The following SLC44A5 variants were observed in gnomAD, a reference collection of about 807,000 sequenced individuals.
SLC44A5 encodes solute carrier family 44 member 5, also known as choline transporter-like protein 5.
Under a neutral mutation model 101.8 loss-of-function variants are expected in SLC44A5, and 57 were observed. The observed-to-expected ratio is 0.56, with a 90% CI of 0.45 to 0.70. The LOEUF is 0.70. SLC44A5 is among the 30% of genes least tolerant of loss of function. SLC44A5 has a pLI of 0.00. For missense variants in SLC44A5, 737 were observed against 853.1 expected (o/e 0.86, Z 1.70); for synonymous variants, 281 against 290.9 (o/e 0.97, Z 0.35).
intron 5 of SLC44A5, among the ~76,000 whole-genome samples, chr1:75,284,201 TA>T (rs1304983947): frequency 6.6e-6 from 1 of 152,134 alleles, no homozygotes; most frequent in African/African-American, 2.4e-5. Flanking sequence ...GTTTTCTGTG[TA>T]GCGATGTGTC....
At chr1:75,399,195 G>A (rs1236537286) in intron 2 of SLC44A5, among the ~76,000 whole-genome samples, 3 of 151,886 alleles carry the variant, frequency 2.0e-5, no homozygotes, top group African/African-American at 7.3e-5. Context: ...CAAGACCCTA[G>A]ACCCATAATC....
intron 2 of SLC44A5, among the ~76,000 whole-genome samples, chr1:75,507,700 G>T (rs946219381): frequency 6.6e-5 from 10 of 152,036 alleles, no homozygotes; most frequent in African/African-American, 2.4e-4. Flanking sequence ...GGAGTTGGTA[G>T]GTTTTTTATG....
At chr1:75,452,896 T>C (rs1665984082) in intron 2 of SLC44A5, among the ~76,000 whole-genome samples, 1 of 152,114 alleles carries the variant, frequency 6.6e-6, no homozygotes, top group African/African-American at 2.4e-5. Flanking sequence ...ATAAAACAAG[T>C]ACTTCTAGAC....
At chr1:75,701,737 T>C in the SLC44A5 span, among the ~76,000 whole-genome samples, 4 of 152,278 alleles carry the variant, frequency 2.6e-5, no homozygotes, top group Middle Eastern at 6.8e-3. Flanking sequence ...GCCGATGACA[T>C]GATTGTATAT....
chr1:75,608,692 G>C (rs2102176896), intron 1 of SLC44A5, among the ~76,000 whole-genome samples: 1 of 151,636 alleles, frequency 6.6e-6, no homozygotes, highest in Admixed American at 6.6e-5. Context: ...CTTTCTGTTA[G>C]TCAAACATAC....
Position 75,306,733 on chromosome 1 carries a change from C to CTT in SLC44A5, c.102-6050_102-6049dup, listed in dbSNP as rs771955227. ...ACTGATTCATTTACTGGTTTCCTTTCTTTTTTTTTTTTTTTTTTTGAGACG... is the reference window on the plus strand; with the variant it reads ...ACTGATTCATTTACTGGTTTCCTTTCTTTTTTTTTTTTTTTTTTTTTGAGACG... On this transcript the variant is annotated intron_variant, in intron 4 of 23. Coordinates refer to ENST00000370859, the MANE Select transcript of SLC44A5 (RefSeq NM_001130058.2). Among the ~76,000 whole-genome samples the CTT allele has an allele frequency of 7.1e-3, 730 of 102,554 alleles. 47 individuals are homozygous for CTT. The highest frequency in any genetic ancestry group is 0.029 in the African/African-American group (691 of 23,528). 67.3% of individuals were successfully genotyped at this position (102,554 alleles called of 152,430 possible).
chr1:75,677,920 C>T, the SLC44A5 span: 7 of 216,936 alleles, frequency 3.2e-5, no homozygotes, highest in East Asian at 1.7e-4. Context: ...GTGCACGAGC[C>T]GAAGCAGGGC....
intron 3 of SLC44A5, among the ~76,000 whole-genome samples, chr1:75,360,155 T>C (rs897797585): frequency 1.3e-5 from 2 of 152,150 alleles, no homozygotes; most frequent in Non-Finnish European, 2.9e-5. Flanking sequence ...CCTTTACTGT[T>C]CAAAAGCTTT....
At chr1:75,686,837 C>T in the SLC44A5 span, among the ~76,000 whole-genome samples, 1 of 152,038 alleles carries the variant, frequency 6.6e-6, no homozygotes, top group Non-Finnish European at 1.5e-5. Context: ...ATAGTACAGT[C>T]AACAGGATTT....
chr1:75,604,733 C>G (rs775598580), intron 1 of SLC44A5, among the ~76,000 whole-genome samples: 1 of 144,294 alleles, frequency 6.9e-6, no homozygotes, highest in Admixed American at 7.3e-5. Flanking sequence ...CTTTTACTTC[C>G]TTGGTTAGAG....
chr1:75,243,916 A>C (rs990204722), intron 7 of SLC44A5, among the ~76,000 whole-genome samples: 1 of 151,992 alleles, frequency 6.6e-6, no homozygotes, highest in African/African-American at 2.4e-5. Context: ...TTCTTAATCT[A>C]TTAATTCCCT....
At chr1:75,343,409 T>A (rs1471216423) in intron 3 of SLC44A5, among the ~76,000 whole-genome samples, 1 of 152,182 alleles carries the variant, frequency 6.6e-6, no homozygotes, top group East Asian at 1.9e-4. Context: ...AGATTTCACA[T>A]GGCTCCATTG....
chr1:75,266,318 T>TACACAC (rs61250669), intron 6 of SLC44A5, among the ~76,000 whole-genome samples: 40,607 of 146,704 alleles, frequency 0.28, 5,894 homozygotes, highest in East Asian at 0.57. Context: ...GGCATAGAAA[T>TACACAC]ACACACACAC....
the SLC44A5 span, among the ~76,000 whole-genome samples, chr1:75,722,097 G>C: frequency 1.3e-5 from 2 of 152,074 alleles, no homozygotes; most frequent in African/African-American, 4.8e-5. Flanking sequence ...ACAACCTACA[G>C]ATCTGAGAAA....
intron 6 of SLC44A5, among the ~76,000 whole-genome samples, chr1:75,258,847 G>T (rs952313666): frequency 1.7e-4 from 8 of 45,934 alleles, no homozygotes; most frequent in Admixed American, 6.6e-4. Context: ...AGCAATCTTG[G>T]CCATTCTGCG....
intron 2 of SLC44A5, among the ~76,000 whole-genome samples, chr1:75,495,492 C>G (rs1668624847): frequency 6.6e-6 from 1 of 151,616 alleles, no homozygotes; most frequent in South Asian, 2.1e-4. Flanking sequence ...CATAAAGATG[C>G]TCAATGAGAT....
intron 11 of SLC44A5, among the ~76,000 whole-genome samples, chr1:75,235,243 AAAAAC>A (rs1163561742): frequency 6.6e-6 from 1 of 152,060 alleles, no homozygotes; most frequent in Admixed American, 6.6e-5. Context: ...TCAGAGGAAA[AAAAAC>A]AAAAAATACA....
At chr1:75,680,248 T>A in the SLC44A5 span, among the ~76,000 whole-genome samples, 1 of 151,680 alleles carries the variant, frequency 6.6e-6, no homozygotes, top group Non-Finnish European at 1.5e-5. Context: ...AACTCAGCTC[T>A]GCACCAAGCG....
chr1:75,312,825 T>C (rs1655414685), intron 4 of SLC44A5, among the ~76,000 whole-genome samples: 1 of 152,040 alleles, frequency 6.6e-6, no homozygotes, highest in Admixed American at 6.6e-5. Flanking sequence ...ACTCGCAACA[T>C]TTCATATGTT....
Sources: gnomAD v4.1 joint callset for allele counts (sites outside exome capture counted in the v4.1 genomes callset) on GRCh38, gnomAD v4.1.1 for gene constraint, MANE v1.5 for transcripts, NCBI Gene and HGNC (gene_info 2026-07-23, HGNC 2026-07-21) for gene names.